ITPK1: variants seen among roughly 807,000 people sequenced by gnomAD.
ITPK1 encodes the protein inositol 1,3,4-trisphosphate 5/6-kinase.
A neutral mutation model predicts 45.3 loss-of-function variants in ITPK1; 21 were observed. The ratio of observed to expected loss-of-function variants is 0.46; its 90% CI spans 0.33 to 0.67. ITPK1 has a LOEUF of 0.67. ITPK1 is among the 30% of genes least tolerant of loss of function. ITPK1 has a pLI of 0.02. For missense variants in ITPK1, 474 were observed against 573.5 expected (o/e 0.83, Z 1.77); for synonymous variants, 258 against 253.6 (o/e 1.02, Z -0.16).
At chr14:93,030,225 G>C (rs2139887521) in intron 3 of ITPK1, among the ~76,000 whole-genome samples, 1 of 152,326 alleles carries the variant, frequency 6.6e-6, no homozygotes, top group Admixed American at 6.5e-5. Context: ...CGTCCCACTT[G>C]ACAAATGCTG....
chr14:93,012,395 A>G lies in ITPK1; in HGVS notation c.246+4281T>C, dbSNP rs1240566176. Among the ~76,000 whole-genome samples the G allele has an allele frequency of 1.3e-5, 2 of 152,194 alleles. No individual in the cohort carries two copies. The highest frequency in any genetic ancestry group is 2.9e-5 in the Non-Finnish European group (2 of 68,030). On this transcript the variant is annotated intron_variant, in intron 4 of 10. Coordinates refer to ENST00000267615, the MANE Select transcript of ITPK1 (RefSeq NM_014216.6). This position sits in a 1 kb window ranked among gnomAD's most constrained non-coding sequence, Gnocchi z 4.9. ...TGAGCTGACGGAACAGCTTGTGCAA[A>G]GGCGCTGAGGTGGACACACATCAGA...
intron 3 of ITPK1, among the ~76,000 whole-genome samples, chr14:93,073,209 C>G (rs746520170): frequency 1.3e-4 from 20 of 152,218 alleles, no homozygotes; most frequent in Non-Finnish European, 2.6e-4. Flanking sequence ...AAAGACACAG[C>G]GTCGTTAAGC....
At chr14:92,965,896 A>G (rs1268970649) in intron 5 of ITPK1, among the ~76,000 whole-genome samples, 1 of 152,174 alleles carries the variant, frequency 6.6e-6, no homozygotes, top group Non-Finnish European at 1.5e-5. Flanking sequence ...CCAGCTACTC[A>G]GGAGGCCGAG....
intron 2 of ITPK1, among the ~76,000 whole-genome samples, chr14:93,094,532 C>A (rs1306416312): frequency 6.6e-6 from 1 of 152,166 alleles, no homozygotes; most frequent in Non-Finnish European, 1.5e-5. Context: ...GTGCTGGGTG[C>A]TAGACACAGA....
intron 3 of ITPK1, chr14:93,068,512 G>A (rs142378008): frequency 6.6e-6 from 1 of 152,414 alleles, no homozygotes; most frequent in Non-Finnish European, 1.5e-5. Flanking sequence ...CACAGCGATT[G>A]TTATTCCCAA....
At chr14:92,942,127 T>C (rs1431743462) in intron 10 of ITPK1, among the ~76,000 whole-genome samples, 2 of 152,184 alleles carry the variant, frequency 1.3e-5, no homozygotes, top group Non-Finnish European at 2.9e-5. Flanking sequence ...CCTTCAGCTG[T>C]TGCCAGGGTG....
chr14:92,986,308 G>A (rs932487641), intron 5 of ITPK1, among the ~76,000 whole-genome samples: 9 of 152,194 alleles, frequency 5.9e-5, no homozygotes, highest in African/African-American at 2.2e-4. Flanking sequence ...GAGTACCCAT[G>A]TACCCTGCTT....
chr14:92,945,305 C>T (rs961078860), intron 10 of ITPK1, among the ~76,000 whole-genome samples: 2 of 152,244 alleles, frequency 1.3e-5, no homozygotes, highest in African/African-American at 2.4e-5. Context: ...ACTGCGCCTG[C>T]GCATGCTCTC....
intron 3 of ITPK1, chr14:93,069,127 G>C (rs1451531098): frequency 6.5e-6 from 1 of 153,540 alleles, no homozygotes. Flanking sequence ...CCCCTGGAGA[G>C]CACATCACCC....
intron 5 of ITPK1, among the ~76,000 whole-genome samples, chr14:92,973,928 C>T (rs1274787255): frequency 6.6e-6 from 1 of 152,236 alleles, no homozygotes; most frequent in African/African-American, 2.4e-5. Flanking sequence ...CTGGAGGGCT[C>T]CAGGCATTCC....
intron 3 of ITPK1, among the ~76,000 whole-genome samples, chr14:93,072,803 C>T (rs58667304): frequency 0.16 from 24,698 of 152,012 alleles, 2,340 homozygotes; most frequent in African/African-American, 0.26. Context: ...AACCCTCAGA[C>T]GAGGTTTTGC....
chr14:92,993,331 G>A (rs1275098904), intron 5 of ITPK1, among the ~76,000 whole-genome samples: 1 of 152,172 alleles, frequency 6.6e-6, no homozygotes, highest in Non-Finnish European at 1.5e-5. Flanking sequence ...GAGTTCTCTG[G>A]CTCTGCCTGC....
intron 9 of ITPK1, among the ~76,000 whole-genome samples, chr14:92,951,669 G>A (rs1374949077): frequency 1.3e-5 from 2 of 152,100 alleles, no homozygotes; most frequent in African/African-American, 4.8e-5. Flanking sequence ...CTTCTGTGTG[G>A]GCAGCTTGCA....
intron 3 of ITPK1, among the ~76,000 whole-genome samples, chr14:93,043,106 C>G (rs1364178422): frequency 6.6e-6 from 1 of 152,140 alleles, no homozygotes; most frequent in Non-Finnish European, 1.5e-5. Flanking sequence ...CCGAGGCCCA[C>G]ACTTTGGGGA....
At chr14:93,019,332 T>G (rs896254398) in intron 3 of ITPK1, among the ~76,000 whole-genome samples, 20 of 152,184 alleles carry the variant, frequency 1.3e-4, no homozygotes, top group Non-Finnish European at 4.4e-5. Flanking sequence ...GGGGACGCCC[T>G]TGGTGTCCTC....
intron 3 of ITPK1, among the ~76,000 whole-genome samples, chr14:93,050,448 A>T (rs1035856949): frequency 6.6e-6 from 1 of 152,216 alleles, no homozygotes; most frequent in Admixed American, 6.5e-5. Context: ...TGGTTCTCCA[A>T]GAGCCCCCAA....
At position 93,115,841 on chromosome 14, in the gene ITPK1, G is replaced by T; in HGVS notation, c.-212C>A. On this transcript the variant is annotated 5_prime_UTR_variant, in exon 1 of 11. Coordinates refer to ENST00000267615, the MANE Select transcript of ITPK1 (RefSeq NM_014216.6). ...GCTGCCCGCCGAGAAGGGCGGCGGCGAGCGCCCGCGCACTCGCCGCCCCTG... is the reference window on the plus strand; with the variant it reads ...GCTGCCCGCCGAGAAGGGCGGCGGCTAGCGCCCGCGCACTCGCCGCCCCTG... The T allele has an allele frequency of 6.9e-6, 1 of 145,982 alleles. No individual in the cohort carries two copies. Among genetic ancestry groups the T allele is most frequent in the South Asian group, 1.9e-4 (1 of 5,314 alleles). 9.0% of individuals were successfully genotyped at this position (145,982 alleles called of 1,614,324 possible).
At chr14:93,045,241 C>G (rs80073347) in intron 3 of ITPK1, among the ~76,000 whole-genome samples, 1 of 152,224 alleles carries the variant, frequency 6.6e-6, no homozygotes. Flanking sequence ...GGCCCCTGTC[C>G]CTGCCAGTCA....
chr14:92,954,753 T>C (rs1215310144), intron 8 of ITPK1, among the ~76,000 whole-genome samples: 1 of 113,310 alleles, frequency 8.8e-6, no homozygotes, highest in African/African-American at 3.3e-5. Flanking sequence ...TCTCTCTCTC[T>C]TGGGAGGCGA....
Sources: gnomAD v4.1 joint callset for allele counts (sites outside exome capture counted in the v4.1 genomes callset) on GRCh38, gnomAD v4.1.1 for gene constraint, Gnocchi (gnomAD v3.1) non-coding constraint, MANE v1.5 for transcripts, NCBI Gene and HGNC (gene_info 2026-07-23, HGNC 2026-07-21) for gene names.